The following TUT7 variants were observed in gnomAD, a reference collection of about 807,000 sequenced individuals.
The protein encoded by TUT7 is terminal uridylyl transferase 7.
A neutral mutation model predicts 165.9 loss-of-function variants in TUT7; 33 were observed. That is an observed-to-expected ratio of 0.20 (90% CI 0.15 to 0.27). TUT7 has a LOEUF of 0.27. Among genes scored for constraint, TUT7 ranks in the 10% least tolerant of loss-of-function variants. The probability of loss-of-function intolerance (pLI) is 1.00; values close to 1 mark genes in which losing one functional copy is unlikely to be tolerated. For missense variants in TUT7, 1,338 were observed against 1,762.3 expected (o/e 0.76, Z 4.31); for synonymous variants, 552 against 608.1 (o/e 0.91, Z 1.36).
chr9:86,310,502 G>A (rs1323059513), intron 18 of TUT7, among the ~76,000 whole-genome samples: 1 of 152,070 alleles, frequency 6.6e-6, no homozygotes, highest in Non-Finnish European at 1.5e-5. Context: ...GGTCAGAGAG[G>A]TCCTATAAAT....
At chr9:86,343,840 T>C (rs1831524013) in intron 5 of TUT7, among the ~76,000 whole-genome samples, 1 of 152,244 alleles carries the variant, frequency 6.6e-6, no homozygotes. Flanking sequence ...GCATTTATTT[T>C]CAGTGTTTTA....
chr9:86,328,514 C>A, intron 10 of TUT7, 22 bp from the exon 11 acceptor site: 1 of 1,582,310 alleles, frequency 6.3e-7, no homozygotes, highest in Non-Finnish European at 8.6e-7. Flanking sequence ...TAGACACATG[C>A]TAAAATAAGA....
chr9:86,293,415 C>T (rs2131260798), intron 26 of TUT7, among the ~76,000 whole-genome samples: 2 of 152,240 alleles, frequency 1.3e-5, no homozygotes, highest in South Asian at 4.1e-4. Context: ...CACTGCACTC[C>T]AGCCTGGGCG....
chr9:86,291,442 G>T (rs890543347), intron 26 of TUT7, among the ~76,000 whole-genome samples: 12 of 152,124 alleles, frequency 7.9e-5, no homozygotes, highest in Admixed American at 6.5e-4. Context: ...GTCATGGTAT[G>T]TGCTTGTAAT....
At chr9:86,349,321 G>A (rs1470374162) in intron 2 of TUT7, among the ~76,000 whole-genome samples, 1 of 151,788 alleles carries the variant, frequency 6.6e-6, no homozygotes, top group Non-Finnish European at 1.5e-5. Flanking sequence ...TAATTACTTG[G>A]AGGAAGACTA....
intron 2 of TUT7, among the ~76,000 whole-genome samples, chr9:86,347,338 T>C (rs1831862863): frequency 6.6e-6 from 1 of 152,242 alleles, no homozygotes; most frequent in South Asian, 2.1e-4. Context: ...AAAGTGATTG[T>C]GGGATTAAAC....
chr9:86,351,985 A>G (rs954991173), intron 2 of TUT7, among the ~76,000 whole-genome samples: 1 of 152,198 alleles, frequency 6.6e-6, no homozygotes, highest in Admixed American at 6.5e-5. Context: ...TTAGAAAAAC[A>G]TATTATCTCC....
chr9:86,299,291 C>G (rs1010641426), intron 26 of TUT7, among the ~76,000 whole-genome samples: 1 of 152,140 alleles, frequency 6.6e-6, no homozygotes, highest in Admixed American at 6.5e-5. Context: ...GAAATTAGCA[C>G]TTTTTGTTCC....
intron 10 of TUT7, among the ~76,000 whole-genome samples, chr9:86,331,651 C>T (rs1830323956): frequency 6.6e-6 from 1 of 152,186 alleles, no homozygotes; most frequent in South Asian, 2.1e-4. Context: ...CATAGCCTCT[C>T]TCGTTTGGTT....
At chr9:86,289,618 C>T (rs1825766587) in intron 26 of TUT7, among the ~76,000 whole-genome samples, 1 of 151,840 alleles carries the variant, frequency 6.6e-6, no homozygotes, top group Admixed American at 6.6e-5. Context: ...AAGCACACTA[C>T]CATACTTAAT....
intron 10 of TUT7, 56 bp downstream of exon 10, chr9:86,337,363 T>C (rs1245555066): frequency 6.4e-6 from 10 of 1,559,844 alleles, no homozygotes; most frequent in East Asian, 2.3e-5. Flanking sequence ...CAAAATTTAA[T>C]TGTGGACCTG....
chr9:86,319,714 A>C (rs745854493), intron 14 of TUT7, 44 bp from the exon 15 acceptor site: 1 of 1,272,564 alleles, frequency 7.9e-7, no homozygotes, highest in Non-Finnish European at 1.1e-6. Context: ...AAGCCGGTTG[A>C]CACTCTTAGA....
At chr9:86,309,440 A>T (rs773632969) in intron 20 of TUT7, 23 bp downstream of exon 20, 1 of 1,581,538 alleles carries the variant, frequency 6.3e-7, no homozygotes, top group Non-Finnish European at 8.6e-7. Flanking sequence ...CCAGATAAGA[A>T]ATACAATTTC....
At chr9:86,343,313 G>A (rs999704114) in intron 5 of TUT7, 150 bp from the exon 6 acceptor site, 2 of 453,842 alleles carry the variant, frequency 4.4e-6, no homozygotes, top group African/African-American at 4.1e-5. Flanking sequence ...ACAAAGGACA[G>A]AAATAGGTGG....
Position 86,346,411 on chromosome 9 carries a change from C to A in TUT7, c.590G>T (p.Gly197Val). 1 of 1,614,118 alleles carries A rather than the reference C, an allele frequency of 6.2e-7. No individual in the cohort carries two copies. Among genetic ancestry groups the A allele is most frequent in the Non-Finnish European group, 8.5e-7 (1 of 1,179,986 alleles). The change falls in exon 3 of 27, where the codon GGA (glycine) becomes GTA (valine). Residue 197 changes from glycine to valine, a missense_variant. This residue lies in a region of TUT7 where 434 missense variants were observed against 480.8 expected (regional missense o/e 0.90). Coordinates refer to ENST00000375963, the MANE Select transcript of TUT7 (RefSeq NM_024617.4). Reference sequence around the variant, plus strand: ...ATCGATCACAGGGCCTTCCAAGTCTCCATCCTGCTCATTTTCCTCATTTCT... The same window carrying A: ...ATCGATCACAGGGCCTTCCAAGTCTACATCCTGCTCATTTTCCTCATTTCT... The part of the protein sequence containing the change: ...KTRNEENEQD[G>V]DLEGPVIDES...
At chr9:86,290,195 G>T in intron 26 of TUT7, among the ~76,000 whole-genome samples, 1 of 152,156 alleles carries the variant, frequency 6.6e-6, no homozygotes, top group Non-Finnish European at 1.5e-5. Context: ...TTGTATTAAT[G>T]TAAAAAGACA....
rs551268064 is a variant in TUT7 at position 86,338,436 on chromosome 9, CAG to C, written c.1335+385_1335+386del. 1.6e-3 allele frequency among the ~76,000 whole-genome samples: 251 copies of C among 152,150 alleles called. 2 individuals carry two copies. Among genetic ancestry groups the C allele is most frequent in the African/African-American group, 5.6e-3 (231 of 41,504 alleles). On this transcript the variant is annotated intron_variant, in intron 9 of 26. Transcript: ENST00000375963. ...AACATTATGGAAATGTAAACAAGAT[CAG>C]AGAGTATCTTCTATTTTTTGCCGTC...
Position 86,340,019 on chromosome 9 carries a change from G to T in TUT7, c.1208+17C>A. 6.2e-7 allele frequency: 1 copy of T among 1,608,568 alleles called. No individual in the cohort carries two copies. The highest frequency in any genetic ancestry group is 2.2e-5 in the East Asian group (1 of 44,820). On this transcript the variant is annotated intron_variant, in intron 8 of 26. Transcript: ENST00000375963. ...CAAGTTGAGAGTTAGTAAATAAACA[G>T]TTTAAAGAAATGAGACCTTTGCTTT...
chr9:86,312,555 G>A (rs1278232877), intron 17 of TUT7, among the ~76,000 whole-genome samples: 5 of 151,672 alleles, frequency 3.3e-5, no homozygotes, highest in South Asian at 2.1e-4. Context: ...CTGCCCGGCC[G>A]CCCCTACTGG....
Sources: gnomAD v4.1 joint callset for allele counts (sites outside exome capture counted in the v4.1 genomes callset) on GRCh38, gnomAD v4.1.1 for gene constraint, gnomAD v4.1.1 regional missense constraint, MANE v1.5 for transcripts, NCBI Gene and HGNC (gene_info 2026-07-23, HGNC 2026-07-21) for gene names.